LAMA1: variants seen among roughly 807,000 people sequenced by gnomAD.
LAMA1 encodes the protein laminin subunit alpha 1, also known as laminin subunit alpha-1.
Under a neutral mutation model 348.7 loss-of-function variants are expected in LAMA1, and 219 were observed. That is an observed-to-expected ratio of 0.63 (90% CI 0.56 to 0.70). The LOEUF (loss-of-function observed/expected upper bound fraction) is 0.70. Ranked by LOEUF, LAMA1 falls within the 30% of genes least tolerant of loss-of-function variation. LAMA1 has a pLI of 0.00. For missense variants in LAMA1, 3,744 were observed against 3,888.0 expected, an observed-to-expected ratio of 0.96 and a Z score of 0.99; for synonymous variants, 1,487 against 1,491.0, an observed-to-expected ratio of 1.00 and a Z score of 0.06.
chr18:6,957,114 G>T, intron 55 of LAMA1: 1 of 343,292 alleles, frequency 2.9e-6, no homozygotes, highest in Non-Finnish European at 5.7e-6. Flanking sequence ...CCCAAGCGCT[G>T]CACAGTGACC....
At position 7,032,160 on chromosome 18, in the gene LAMA1, T is replaced by A; in HGVS notation, c.2180A>T (p.Tyr727Phe). 1.2e-6 allele frequency: 2 copies of A among 1,613,660 alleles called. No individual in the cohort carries two copies. The highest frequency in any genetic ancestry group is 1.7e-6 in the Non-Finnish European group (2 of 1,179,596). ...AAAGAGTATTCCATCCACGCGGTAA[T>A]AGCCAGAGAGGCACGACTGCAAGAG... ...GTSCESCLSG[Y>F]YRVDGILFGG... Residue 727 changes from tyrosine (Y) to phenylalanine (F), a missense_variant, in exon 16 of 63, where the codon TAT (tyrosine) becomes TTT (phenylalanine). Physicochemically the swap from Tyr to Phe is conservative, Grantham distance 22 (BLOSUM62 3). This residue lies in a region of LAMA1 where 1,529 missense variants were observed against 1,689.4 expected (regional missense o/e 0.91). Coordinates refer to ENST00000389658, the MANE Select transcript of LAMA1 (RefSeq NM_005559.4).
chr18:7,067,382 T>C (rs1399287609), intron 3 of LAMA1, among the ~76,000 whole-genome samples: 3 of 151,818 alleles, frequency 2.0e-5, no homozygotes, highest in Non-Finnish European at 2.9e-5. Flanking sequence ...ACAAACCTCA[T>C]GCTCACAGAA....
chr18:7,109,344 G>A (rs192212078), intron 1 of LAMA1, among the ~76,000 whole-genome samples: 343 of 152,282 alleles, frequency 2.3e-3, no homozygotes, highest in African/African-American at 7.7e-3. Flanking sequence ...AAGAAATGCC[G>A]GGAGCTAAGG....
At chr18:7,116,296 T>G (rs940139266) in intron 1 of LAMA1, among the ~76,000 whole-genome samples, 1 of 152,210 alleles carries the variant, frequency 6.6e-6, no homozygotes, top group Non-Finnish European at 1.5e-5. Flanking sequence ...AACCGGGACT[T>G]GTTCACCTTC....
intron 3 of LAMA1, among the ~76,000 whole-genome samples, chr18:7,065,598 GC>G (rs1353163241): frequency 6.6e-6 from 1 of 151,910 alleles, no homozygotes; most frequent in African/African-American, 2.4e-5. Flanking sequence ...GTGGTGGCAC[GC>G]ACCTGTAGTC....
In LAMA1 at chr18:6,997,877, A is replaced by G; in HGVS notation, c.4671T>C (p.Asp1557=). 1 of 1,614,146 alleles carries G rather than the reference A, an allele frequency of 6.2e-7. No individual in the cohort carries two copies. The highest frequency in any genetic ancestry group is 8.5e-7 in the Non-Finnish European group (1 of 1,180,038). Residue 1557 remains aspartate, a synonymous_variant, in exon 33 of 63, where the codon GAT becomes GAC. Transcript: ENST00000389658. ...TCAGCAGCACACCTACACACTCATC[A>G]TCACAGGCTACAAGACAAATTTTTA... ...ILMETDCVSC[D]DECVGVLLND...
rs772875323 is a variant in LAMA1, at chr18:6,948,447, G to C, written c.8666C>G (p.Ala2889Gly). 1 of 1,614,122 alleles carries C rather than the reference G, an allele frequency of 6.2e-7. No homozygotes were observed. Among genetic ancestry groups the C allele is most frequent in the Admixed American group, 1.7e-5 (1 of 60,008 alleles). The change falls in exon 60 of 63, where the codon GCC (alanine) becomes GGC (glycine). Residue 2889 changes from alanine to glycine, a missense_variant. By Grantham distance (60) the Ala-to-Gly change is moderately conservative. This residue lies in a region of LAMA1 where 232 missense variants were observed against 264.4 expected (regional missense o/e 0.88). Transcript: ENST00000389658. The part of the protein sequence containing the change: ...AFTVNRCYAV[A>G]QEGTYFDGSG... ...TCCGTCAAAGTATGTTCCTTCCTGG[G>C]CCACTGCGTAGCACCTGTTCACCGT...
At chr18:7,028,782 G>C (rs1226582799) in intron 16 of LAMA1, among the ~76,000 whole-genome samples, 1 of 152,220 alleles carries the variant, frequency 6.6e-6, no homozygotes, top group Non-Finnish European at 1.5e-5. Context: ...GGAGCAAAGG[G>C]GAGGGGTGCG....
chr18:6,982,597 A>G lies in LAMA1; in HGVS notation c.5797-7T>C, dbSNP rs1454419708. On this transcript the variant is annotated splice_region_variant and splice_polypyrimidine_tract_variant and intron_variant, in intron 40 of 62. Transcript: ENST00000389658. ...AAACAAGGGATTCTGAGAGCTGGAA[A>G]ACAGAACCACTTAAGCGTGGTGAGA... 10 of 1,613,376 alleles carry G rather than the reference A, an allele frequency of 6.2e-6. No homozygotes were observed. The highest frequency in any genetic ancestry group is 8.5e-6 in the Non-Finnish European group (10 of 1,179,328).
In LAMA1 at chr18:7,044,789, C is replaced by T. The variant is rs757016983; in HGVS notation, c.909G>A (p.Arg303=). ...EHNTCGESCN[R]CCPGYHQQPW... ...GCTGCTGATGGTACCCAGGACAGCA[C>T]CTGTTACAGCTCTCCCCGCAAGTAT... The change falls in exon 7 of 63, where the codon AGG becomes AGA. Residue 303 remains arginine, a synonymous_variant. Transcript: ENST00000389658. The T allele has an allele frequency of 7.4e-6, 12 of 1,614,070 alleles. No individual in the cohort carries two copies. The East Asian group carries it at 1.6e-4, about 21-fold the overall frequency.
At chr18:7,104,369 C>T (rs780859439) in intron 1 of LAMA1, among the ~76,000 whole-genome samples, 1 of 152,204 alleles carries the variant, frequency 6.6e-6, no homozygotes, top group Non-Finnish European at 1.5e-5. Flanking sequence ...ATGTCAGGCA[C>T]TGTGCTAGGC....
At position 6,964,813 on chromosome 18, in the gene LAMA1, G is replaced by A. The variant is rs761371354; in HGVS notation, c.7196-10C>T. 9 of 1,614,028 alleles carry A rather than the reference G, an allele frequency of 5.6e-6. No homozygotes were observed. The highest frequency in any genetic ancestry group is 6.8e-6 in the Non-Finnish European group (8 of 1,179,992). On this transcript the variant is annotated splice_polypyrimidine_tract_variant and intron_variant, in intron 50 of 62. Coordinates refer to ENST00000389658, the MANE Select transcript of LAMA1 (RefSeq NM_005559.4). Reference sequence around the variant, plus strand: ...ATAACTGCTAGCACTCCTAAAAGGAGAGCACAGGCAAGAGATAAGAAAAGG... The same window carrying A: ...ATAACTGCTAGCACTCCTAAAAGGAAAGCACAGGCAAGAGATAAGAAAAGG...
At chr18:7,097,041 T>A (rs1419793573) in intron 1 of LAMA1, among the ~76,000 whole-genome samples, 1 of 151,794 alleles carries the variant, frequency 6.6e-6, no homozygotes, top group East Asian at 1.9e-4. Context: ...CAGAAGCACA[T>A]GCCTAATGAT....
At chr18:7,020,777 A>G (rs1369428664) in intron 19 of LAMA1, among the ~76,000 whole-genome samples, 2 of 152,066 alleles carry the variant, frequency 1.3e-5, no homozygotes, top group Admixed American at 1.3e-4. Flanking sequence ...AGCCCTCATC[A>G]ATGCTTACCA....
chr18:7,007,787 T>C lies in LAMA1; in HGVS notation c.4123-511A>G, dbSNP rs144191021. 8.5e-5 allele frequency among the ~76,000 whole-genome samples: 13 copies of C among 152,318 alleles called. 1 individual carries two copies. The East Asian group carries it at 2.3e-3, about 27-fold the overall frequency. ...AGCAAAATGTGGCATGTATGTACAA[T>C]GGAATATTATTCAGCCTTAAAAAGG... On this transcript the variant is annotated intron_variant, in intron 28 of 62. Coordinates refer to ENST00000389658, the MANE Select transcript of LAMA1 (RefSeq NM_005559.4).
intron 3 of LAMA1, among the ~76,000 whole-genome samples, chr18:7,051,962 T>C (rs543048487): frequency 7.4e-4 from 113 of 152,270 alleles, no homozygotes; most frequent in African/African-American, 2.6e-3. Context: ...CCAAATGAAC[T>C]GAAAACTTAG....
At chr18:6,983,338 T>A in intron 39 of LAMA1, 104 bp from the exon 40 acceptor site, 1 of 1,139,644 alleles carries the variant, frequency 8.8e-7, no homozygotes, top group Admixed American at 1.9e-5. Context: ...GCCTCCTATC[T>A]TCTTTCCCCT....
intron 3 of LAMA1, among the ~76,000 whole-genome samples, chr18:7,068,523 CT>C (rs1219505686): frequency 2.6e-5 from 4 of 152,304 alleles, no homozygotes; most frequent in Admixed American, 1.3e-4. Context: ...AAGGTCACCC[CT>C]GATTGTAAGA....
chr18:7,015,435 A>G (rs1412793557), intron 22 of LAMA1, among the ~76,000 whole-genome samples: 1 of 150,832 alleles, frequency 6.6e-6, no homozygotes, highest in Admixed American at 6.6e-5. Flanking sequence ...ACACCAGGCT[A>G]AATTTTTTTT....
Sources: gnomAD v4.1 joint callset for allele counts (sites outside exome capture counted in the v4.1 genomes callset) on GRCh38, gnomAD v4.1.1 for gene constraint, gnomAD v4.1.1 regional missense constraint, MANE v1.5 for transcripts, NCBI Gene and HGNC (gene_info 2026-07-23, HGNC 2026-07-21) for gene names.